The following TUBGCP2 variants were observed in gnomAD, a reference collection of about 807,000 sequenced individuals.
TUBGCP2 encodes the protein tubulin gamma complex component 2.
In TUBGCP2, 55 loss-of-function variants were observed where a neutral mutation model predicts 92.2. The observed-to-expected ratio is 0.60, with a 90% confidence interval of 0.48 to 0.75. TUBGCP2 has a LOEUF of 0.75. TUBGCP2 is among the 30% of genes least tolerant of loss of function. The pLI is 0.00. For synonymous variants in TUBGCP2, 533 were observed against 505.2 expected, an observed-to-expected ratio of 1.06 and a Z score of -0.74; for missense variants, 1,093 against 1,188.9, an observed-to-expected ratio of 0.92 and a Z score of 1.19.
Position 133,300,129 on chromosome 10 carries a change from A to T in TUBGCP2, c.151-16T>A. On this transcript the variant is annotated splice_polypyrimidine_tract_variant and intron_variant, in intron 2 of 17. Transcript: ENST00000252936. ...CAATTTTAACCTCAAAAGCACAAACATGAGTGATTTAATGACGGTAATTAA... is the reference window on the plus strand; with the variant it reads ...CAATTTTAACCTCAAAAGCACAAACTTGAGTGATTTAATGACGGTAATTAA... The T allele has an allele frequency of 1.2e-6, 2 of 1,608,930 alleles. No individual in the cohort carries two copies. Among genetic ancestry groups the T allele is most frequent in the East Asian group, 2.2e-5 (1 of 44,814 alleles).
At chr10:133,310,175 G>GAGAGAGAGAGA (rs1564778524), upstream of TUBGCP2, 4 of 1,613,950 alleles carry the variant, frequency 2.5e-6, no homozygotes, top group Non-Finnish European at 3.4e-6. Flanking sequence ...ATCAGTGCTT[G>GAGAGAGAGAGA]GTAGAAGGCT....
chr10:133,308,669 C>T (rs1309871920), intron 1 of TUBGCP2, 154 bp downstream of exon 1: 2 of 249,766 alleles, frequency 8.0e-6, no homozygotes, highest in Non-Finnish European at 7.6e-6. Flanking sequence ...GCCCGAAGGG[C>T]TTCGGCCCCA....
At chr10:133,306,680 C>G (rs1847827914) in intron 1 of TUBGCP2, among the ~76,000 whole-genome samples, 2 of 152,050 alleles carry the variant, frequency 1.3e-5, no homozygotes, top group South Asian at 4.2e-4. Flanking sequence ...CGCAGATACT[C>G]CAGAGGCTGG....
chr10:133,300,021 C>G lies in TUBGCP2; in HGVS notation c.243G>C (p.Leu81=). 6.2e-7 allele frequency: 1 copy of G among 1,614,134 alleles called. No individual in the cohort carries two copies. The highest frequency in any genetic ancestry group is 8.5e-7 in the Non-Finnish European group (1 of 1,180,016). The change falls in exon 3 of 18, where the codon CTG becomes CTC. Residue 81 remains leucine, a synonymous_variant. Coordinates refer to ENST00000252936, the MANE Select transcript of TUBGCP2 (RefSeq NM_006659.4). The stretch of plus-strand genomic sequence containing the variant: ...CCGTGAGCTTTGACAACAGGTACAC[C>G]AGCGGGTCAAGGTTCCTTGTATTTT... The part of the protein sequence containing the change: ...KSKNTRNLDP[L]VYLLSKLTED...
chr10:133,308,752 T>A (rs1424927890), intron 1 of TUBGCP2, 71 bp downstream of exon 1: 1 of 338,036 alleles, frequency 3.0e-6, no homozygotes, highest in South Asian at 1.5e-4. Context: ...CGTCGCCTCG[T>A]GGGCCCCCCC....
rs1847004957 is a variant in TUBGCP2 at position 133,282,322 on chromosome 10, T to C, written c.2310A>G (p.Lys770=). ...NCMQKFTQSM[K]LDGELGGQTL... is the part of the protein sequence containing the mutation. The stretch of plus-strand genomic sequence containing the variant: ...TCTGCCCGCCCAGCTCGCCATCTAA[T>C]TTCATGCTCTGTGTAAATTTCTAGG... The change falls in exon 16 of 18, where the codon AAA becomes AAG. Residue 770 remains lysine (K), a synonymous_variant. Transcript: ENST00000252936. The C allele has an allele frequency of 6.2e-7, 1 of 1,603,970 alleles. No individual in the cohort carries two copies. Among genetic ancestry groups the C allele is most frequent in the South Asian group, 1.1e-5 (1 of 90,404 alleles).
rs757861718 is a variant in TUBGCP2 at position 133,282,254 on chromosome 10, T to C, written c.2378A>G (p.Glu793Gly). 1 of 1,611,810 alleles carries C rather than the reference T, an allele frequency of 6.2e-7. No individual in the cohort carries two copies. The highest frequency in any genetic ancestry group is 1.1e-5 in the South Asian group (1 of 90,874). ...GGCGAGCTCCTTCCGGGCCCGCTCC[T>C]CGGCCCCTGCGGGCAGCCCCAGGAC... ...STVLGLPAGA[E>G]ERARKELARK... is the part of the protein sequence containing the mutation. The change falls in exon 16 of 18, where the codon GAG (glutamate) becomes GGG (glycine). Residue 793 changes from glutamate (E) to glycine (G), a missense_variant. Physicochemically the swap from Glu to Gly is moderately conservative, Grantham distance 98 (BLOSUM62 -2). This residue lies in a region of TUBGCP2 where 598 missense variants were observed against 675.5 expected (regional missense o/e 0.89). Coordinates refer to ENST00000252936, the MANE Select transcript of TUBGCP2 (RefSeq NM_006659.4).
intron 4 of TUBGCP2, among the ~76,000 whole-genome samples, 173 bp downstream of exon 4, chr10:133,299,254 C>T (rs1847569488): frequency 6.6e-6 from 1 of 152,160 alleles, no homozygotes; most frequent in South Asian, 2.1e-4. Flanking sequence ...AGAGCTAGGT[C>T]ATGATCAAGC....
chr10:133,299,057 A>AAAT (rs1252590625), intron 4 of TUBGCP2, among the ~76,000 whole-genome samples: 1 of 152,230 alleles, frequency 6.6e-6, no homozygotes, highest in Non-Finnish European at 1.5e-5. Flanking sequence ...AGAATCTTGA[A>AAAT]AATATAATGA....
chr10:133,309,892 C>T (rs781659266), upstream of TUBGCP2: 50 of 1,613,606 alleles, frequency 3.1e-5, no homozygotes, highest in East Asian at 1.0e-3. Context: ...TGCAAGCGGG[C>T]CTTCCCTTCC....
chr10:133,299,980 C>G lies in TUBGCP2; in HGVS notation c.279+5G>C. 6.2e-7 allele frequency: 1 copy of G among 1,613,774 alleles called. No homozygotes were observed. The highest frequency in any genetic ancestry group is 1.1e-5 in the South Asian group (1 of 91,042). On this transcript the variant is annotated splice_donor_5th_base_variant and intron_variant, in intron 3 of 17. Transcript: ENST00000252936. ...CGCAGTGTGGCACGTGGCATGGGCA[C>G]CTACCTCTTTGTCTTCCGTGAGCTT...
Position 133,292,072 on chromosome 10 carries a change from CCCGTGTCCCT to C in TUBGCP2, c.1214+417_1214+426del, listed in dbSNP as rs1196581126. The stretch of plus-strand genomic sequence containing the variant: ...GTGTCCCCCATGTCCCTCCGTGTCC[CCCGTGTCCCT>C]CCGTGTCCCTCCGTGTCCCTCCGTG... On this transcript the variant is annotated intron_variant, in intron 8 of 17. Transcript: ENST00000252936. Among the ~76,000 whole-genome samples the C allele has an allele frequency of 0.032, 184 of 5,662 alleles. 64 individuals carry two copies. The East Asian group carries it at 0.59, about 18-fold the overall frequency. The allele number at this position is 5,662 out of a possible 152,430, so 3.7% of individuals were successfully genotyped here.
intron 9 of TUBGCP2, 138 bp downstream of exon 9, chr10:133,289,685 AG>A: frequency 9.5e-6 from 10 of 1,051,180 alleles, no homozygotes; most frequent in Non-Finnish European, 1.3e-5. Flanking sequence ...TCCTGACCTC[AG>A]CCCCGCATTC....
chr10:133,293,096 T>C lies in TUBGCP2; in HGVS notation c.967A>G (p.Lys323Glu). The C allele has an allele frequency of 6.2e-7, 1 of 1,613,838 alleles. No homozygotes were observed. The highest frequency in any genetic ancestry group is 1.1e-5 in the South Asian group (1 of 91,070). Residue 323 changes from lysine (K) to glutamate (E), a missense_variant, in exon 7 of 18, where the codon AAG (lysine) becomes GAG (glutamate). By Grantham distance (56) the Lys-to-Glu change is moderately conservative. Transcript: ENST00000252936. Reference sequence around the variant, plus strand: ...GCTGGCTGGATGTAGAACCAGAGCTTCTGCAGCGAAAGGAGGCCCTGCCTG... The same window carrying C: ...GCTGGCTGGATGTAGAACCAGAGCTCCTGCAGCGAAAGGAGGCCCTGCCTG... ...LHRQGLLSLQKLWFYIQPAMR... is the reference protein window; with the variant it reads ...LHRQGLLSLQELWFYIQPAMR...
intron 4 of TUBGCP2, among the ~76,000 whole-genome samples, chr10:133,298,441 G>C (rs1450996699): frequency 6.6e-6 from 1 of 152,262 alleles, no homozygotes. Flanking sequence ...TTTCAAAGGA[G>C]GGCGCCCTGT....
chr10:133,284,954 G>A (rs192642465), intron 13 of TUBGCP2, 131 bp downstream of exon 13: 13 of 1,364,256 alleles, frequency 9.5e-6, no homozygotes, highest in African/African-American at 4.4e-5. Context: ...ACCAACGTGC[G>A]CTTCCAGATG....
At chr10:133,282,144 C>T in intron 16 of TUBGCP2, 79 bp downstream of exon 16, 2 of 1,595,750 alleles carry the variant, frequency 1.3e-6, no homozygotes, top group Non-Finnish European at 1.7e-6. Flanking sequence ...GAGGTTTGTT[C>T]TCCCTGCGTC....
chr10:133,290,067 G>A, intron 8 of TUBGCP2, 98 bp from the exon 9 acceptor site: 2 of 1,486,892 alleles, frequency 1.3e-6, no homozygotes, highest in Non-Finnish European at 1.8e-6. Flanking sequence ...CATTAACAGA[G>A]GCCAGCACAC....
At chr10:133,295,828 C>G (rs1347935785) in intron 5 of TUBGCP2, 2 of 152,506 alleles carry the variant, frequency 1.3e-5, no homozygotes, top group African/African-American at 4.8e-5. Context: ...ACACAAGGTC[C>G]CGTGGTGTGG....
Sources: allele counts gnomAD v4.1 joint callset (sites outside exome capture counted in the v4.1 genomes callset), GRCh38; gene constraint gnomAD v4.1.1; regional missense constraint gnomAD v4.1.1; transcripts MANE v1.5; gene names NCBI Gene and HGNC (gene_info 2026-07-23, HGNC 2026-07-21).